SLCO1C1: variants seen among roughly 807,000 people sequenced by gnomAD.
SLCO1C1 encodes the protein OAT-RP-5.
In SLCO1C1, 70 loss-of-function variants were observed where a neutral mutation model predicts 76.4. The ratio of observed to expected loss-of-function variants is 0.92; its 90% CI spans 0.76 to 1.12. The LOEUF is 1.12. SLCO1C1 is among the 50% of genes most tolerant of loss of function. The probability of loss-of-function intolerance (pLI) is 0.00; values close to 1 mark genes in which losing one functional copy is unlikely to be tolerated. For synonymous variants in SLCO1C1, 306 were observed against 286.1 expected, an observed-to-expected ratio of 1.07 and a Z score of -0.70; for missense variants, 912 against 823.8, an observed-to-expected ratio of 1.11 and a Z score of -1.31.
At chr12:20,716,660 C>T (rs1272198860) in intron 6 of SLCO1C1, among the ~76,000 whole-genome samples, 1 of 152,182 alleles carries the variant, frequency 6.6e-6, no homozygotes, top group Non-Finnish European at 1.5e-5. Flanking sequence ...GGGATCTTTA[C>T]AGGTCCTGGT....
chr12:20,705,090 CTG>C (rs1389465368), intron 3 of SLCO1C1, among the ~76,000 whole-genome samples: 6 of 151,880 alleles, frequency 4.0e-5, no homozygotes, highest in Non-Finnish European at 8.8e-5. Context: ...TAACCGTTTC[CTG>C]TCAGTATTTT....
chr12:20,718,486 G>A (rs773070404), intron 7 of SLCO1C1, among the ~76,000 whole-genome samples: 1 of 152,102 alleles, frequency 6.6e-6, no homozygotes, highest in Non-Finnish European at 1.5e-5. Context: ...CTAAAATTTT[G>A]CTTACACATA....
At chr12:20,727,922 T>C (rs1948102667) in intron 9 of SLCO1C1, among the ~76,000 whole-genome samples, 1 of 152,222 alleles carries the variant, frequency 6.6e-6, no homozygotes, top group African/African-American at 2.4e-5. Context: ...GGATATTAGA[T>C]CTTCATCAAA....
At chr12:20,723,303 T>A in intron 9 of SLCO1C1, 49 bp downstream of exon 9, 1 of 1,564,984 alleles carries the variant, frequency 6.4e-7, no homozygotes, top group Non-Finnish European at 8.6e-7. Flanking sequence ...GTCTTAGAGG[T>A]ACCTGATTAA....
chr12:20,741,612 A>G (rs1948818873), intron 12 of SLCO1C1, among the ~76,000 whole-genome samples: 1 of 152,092 alleles, frequency 6.6e-6, no homozygotes, highest in Admixed American at 6.6e-5. Context: ...CAACTTCCCT[A>G]CAGGTTTTTC....
chr12:20,707,422 A>C (rs1026568422), intron 4 of SLCO1C1, among the ~76,000 whole-genome samples: 8 of 152,030 alleles, frequency 5.3e-5, no homozygotes, highest in African/African-American at 1.9e-4. Context: ...CTACTGAAAA[A>C]ATTAAAAATG....
chr12:20,733,701 C>T (rs1355399157), intron 10 of SLCO1C1, among the ~76,000 whole-genome samples: 1 of 152,156 alleles, frequency 6.6e-6, no homozygotes, highest in Non-Finnish European at 1.5e-5. Flanking sequence ...TCCTTCAACC[C>T]AGTGTTCCCC....
intron 3 of SLCO1C1, among the ~76,000 whole-genome samples, chr12:20,703,507 A>G (rs1470132829): frequency 6.6e-6 from 1 of 151,890 alleles, no homozygotes; most frequent in East Asian, 1.9e-4. Context: ...ACCTTGATGC[A>G]AATACTTTTA....
chr12:20,730,040 G>A (rs577846272), intron 9 of SLCO1C1, among the ~76,000 whole-genome samples: 6 of 152,158 alleles, frequency 3.9e-5, no homozygotes, highest in South Asian at 2.1e-4. Flanking sequence ...AATCCAATAC[G>A]GCACATAGGT....
intron 13 of SLCO1C1, among the ~76,000 whole-genome samples, chr12:20,747,398 C>T (rs1446948049): frequency 1.3e-5 from 2 of 151,292 alleles, no homozygotes; most frequent in Non-Finnish European, 2.9e-5. Flanking sequence ...CACTGCACTC[C>T]AGCTTGGGTG....
Position 20,750,685 on chromosome 12 carries a change from A to T in SLCO1C1, c.1809A>T (p.Pro603=), listed in dbSNP as rs769197791. The T allele has an allele frequency of 2.5e-6, 4 of 1,613,944 alleles. No individual in the cohort carries two copies. In the Admixed American group the frequency reaches 6.7e-5, roughly 27 times the overall value. Residue 603 remains proline (P), a synonymous_variant, in exon 14 of 15, where the codon CCA becomes CCT. Transcript: ENST00000266509. Reference sequence around the variant, plus strand: ...TTGTTTTTCTCACAGCAGGAATCCCAGCTCCAGTGTATTTTGGAGTTTTGA... The same window carrying T: ...TTGTTTTTCTCACAGCAGGAATCCCTGCTCCAGTGTATTTTGGAGTTTTGA... The part of the protein sequence containing the change: ...TLAIRVLAGI[P]APVYFGVLID...
chr12:20,700,531 G>A (rs933785526), intron 2 of SLCO1C1, among the ~76,000 whole-genome samples: 1 of 151,448 alleles, frequency 6.6e-6, no homozygotes, highest in African/African-American at 2.4e-5. Context: ...CATGTGCCAT[G>A]TTGGTGTGCT....
chr12:20,717,037 T>C, intron 6 of SLCO1C1, 95 bp from the exon 7 acceptor site: 1 of 1,084,336 alleles, frequency 9.2e-7, no homozygotes, highest in Non-Finnish European at 1.4e-6. Flanking sequence ...TTTGAGCTAC[T>C]GACTGGATCA....
At chr12:20,740,079 A>G in intron 11 of SLCO1C1, 105 bp from the exon 12 acceptor site, 1 of 1,106,212 alleles carries the variant, frequency 9.0e-7, no homozygotes, top group Non-Finnish European at 1.3e-6. Flanking sequence ...ATATTTCCTC[A>G]TTGTTTACAT....
At chr12:20,707,485 C>G (rs914901225) in intron 4 of SLCO1C1, among the ~76,000 whole-genome samples, 1 of 152,110 alleles carries the variant, frequency 6.6e-6, no homozygotes, top group South Asian at 2.1e-4. Flanking sequence ...TTAAATCACT[C>G]TGCAGTGGAT....
intron 4 of SLCO1C1, among the ~76,000 whole-genome samples, chr12:20,709,195 C>T (rs549506513): frequency 2.2e-4 from 34 of 152,054 alleles, no homozygotes; most frequent in Non-Finnish European, 3.8e-4. Context: ...TATTAGTCCC[C>T]GATTTAAATA....
chr12:20,745,897 A>G (rs1247330430), intron 13 of SLCO1C1, among the ~76,000 whole-genome samples: 2 of 152,144 alleles, frequency 1.3e-5, no homozygotes, highest in East Asian at 1.9e-4. Flanking sequence ...ATGAACTCAC[A>G]TATTTTAATT....
chr12:20,701,565 A>G, intron 3 of SLCO1C1, 106 bp downstream of exon 3: 1 of 953,756 alleles, frequency 1.0e-6, no homozygotes, highest in South Asian at 3.9e-5. Flanking sequence ...GACTCTATTC[A>G]TAAAATCTTT....
At chr12:20,739,918 T>C (rs866120028) in intron 11 of SLCO1C1, among the ~76,000 whole-genome samples, 2 of 152,018 alleles carry the variant, frequency 1.3e-5, no homozygotes, top group South Asian at 4.2e-4. Flanking sequence ...GCGAAGGAGG[T>C]AAGGTATGGT....
Sources: gnomAD v4.1 joint callset for allele counts (sites outside exome capture counted in the v4.1 genomes callset) on GRCh38, gnomAD v4.1.1 for gene constraint, MANE v1.5 for transcripts, NCBI Gene and HGNC (gene_info 2026-07-23, HGNC 2026-07-21) for gene names.